The following COPG2 variants were observed in gnomAD, a reference collection of about 807,000 sequenced individuals.
COPG2 encodes coat protein complex I subunit gamma 2.
COPG2 carries 37 observed loss-of-function variants against 46.3 expected under a neutral mutation model. That is an observed-to-expected ratio of 0.80 (90% confidence interval 0.61 to 1.05). COPG2 has a LOEUF of 1.05. Among genes scored for constraint, COPG2 ranks in the 50% least tolerant of loss-of-function variants. The pLI, the probability that COPG2 is intolerant of heterozygous loss-of-function variation, is 0.00. For synonymous variants in COPG2, 159 were observed against 129.7 expected (o/e 1.23, Z -1.53); for missense variants, 427 against 387.8 (o/e 1.10, Z -0.85).
intron 9 of COPG2, among the ~76,000 whole-genome samples, chr7:130,568,543 A>G (rs1793842574): frequency 6.6e-6 from 1 of 152,184 alleles, no homozygotes; most frequent in East Asian, 1.9e-4. Context: ...CTAACACTGG[A>G]GCTCCCAAAT....
At chr7:130,519,207 A>G (rs1193229624) in intron 20 of COPG2, among the ~76,000 whole-genome samples, 3 of 152,306 alleles carry the variant, frequency 2.0e-5, no homozygotes, top group African/African-American at 7.2e-5. Flanking sequence ...GTGGAGTTGT[A>G]TGTTAAGCTA....
intron 20 of COPG2, among the ~76,000 whole-genome samples, chr7:130,512,821 TC>T (rs1799616711): frequency 6.6e-6 from 1 of 152,138 alleles, no homozygotes; most frequent in South Asian, 2.1e-4. Context: ...TGCACAGTGT[TC>T]CACTGAAGTT....
intron 23 of COPG2, 145 bp from the exon 24 acceptor site, chr7:130,506,951 CAT>C (rs782594176): frequency 5.0e-5 from 29 of 585,068 alleles, no homozygotes; most frequent in African/African-American, 1.9e-4. Flanking sequence ...CCTAAACAAA[CAT>C]AAATTCCAAA....
chr7:130,615,402 G>A (rs1461246594), intron 6 of COPG2, among the ~76,000 whole-genome samples: 1 of 152,246 alleles, frequency 6.6e-6, no homozygotes, highest in East Asian at 1.9e-4. Context: ...CATATAATAG[G>A]AGCTCAGTAA....
At chr7:130,631,353 TC>T (rs1458816524) in intron 5 of COPG2, among the ~76,000 whole-genome samples, 1 of 152,028 alleles carries the variant, frequency 6.6e-6, no homozygotes, top group Non-Finnish European at 1.5e-5. Context: ...AGATGGGGTT[TC>T]GCCATGTTGG....
intron 5 of COPG2, among the ~76,000 whole-genome samples, chr7:130,625,505 C>T (rs1339285739): frequency 6.6e-6 from 1 of 150,802 alleles, no homozygotes; most frequent in African/African-American, 2.4e-5. Flanking sequence ...TAGTGTTTCC[C>T]CATTAAAAAA....
intron 9 of COPG2, among the ~76,000 whole-genome samples, chr7:130,586,478 T>G (rs1434871684): frequency 6.6e-6 from 1 of 152,080 alleles, no homozygotes; most frequent in African/African-American, 2.4e-5. Context: ...AAAATTTTTT[T>G]TTGAGACAGA....
chr7:130,515,367 G>A (rs1309970052), intron 20 of COPG2, among the ~76,000 whole-genome samples: 1 of 152,102 alleles, frequency 6.6e-6, no homozygotes, highest in African/African-American at 2.4e-5. Context: ...AAAACAGTCA[G>A]GTCGTGTAAG....
intron 5 of COPG2, among the ~76,000 whole-genome samples, chr7:130,629,184 T>G (rs552734115): frequency 3.3e-5 from 5 of 151,810 alleles, no homozygotes; most frequent in African/African-American, 9.7e-5. Flanking sequence ...TGTCCTTTTT[T>G]GGGGGGGGTA....
intron 20 of COPG2, among the ~76,000 whole-genome samples, chr7:130,539,724 A>C (rs1020139511): frequency 6.6e-6 from 1 of 152,156 alleles, no homozygotes; most frequent in African/African-American, 2.4e-5. Flanking sequence ...TCACCTACAG[A>C]AGACAGACAG....
intron 5 of COPG2, among the ~76,000 whole-genome samples, chr7:130,639,154 G>A (rs1476680867): frequency 1.3e-5 from 2 of 152,192 alleles, no homozygotes; most frequent in Admixed American, 6.5e-5. Flanking sequence ...GGGAGCTGGA[G>A]ACCAGAGCTG....
At chr7:130,577,754 C>G (rs1327390257) in intron 9 of COPG2, among the ~76,000 whole-genome samples, 2 of 133,840 alleles carry the variant, frequency 1.5e-5, no homozygotes, top group South Asian at 2.4e-4. Flanking sequence ...GGCGACAGAG[C>G]GAGACTCCGT....
chr7:130,652,926 T>A lies in COPG2; in HGVS notation c.266A>T (p.Tyr89Phe). The change falls in exon 5 of 24, where the codon TAC becomes TTC. Residue 89 changes from tyrosine (Y) to phenylalanine (F), a missense_variant. By Grantham distance (22) the Tyr-to-Phe change is conservative. Transcript: ENST00000425248. ...GGTAGCCATTTCTTTGATGGTAAGG[T>A]AGCACATTCTCCTCAATGTTTGCTG... ...SNDQTLRRMC[Y>F]LTIKEMATIS... 6.2e-7 allele frequency: 1 copy of A among 1,603,710 alleles called. No individual in the cohort carries two copies.
At chr7:130,562,731 G>A (rs1157583618) in intron 11 of COPG2, among the ~76,000 whole-genome samples, 2 of 152,108 alleles carry the variant, frequency 1.3e-5, no homozygotes, top group East Asian at 1.9e-4. Flanking sequence ...CATATTATAT[G>A]TATTATGATA....
chr7:130,556,077 G>A (rs1793618671), intron 12 of COPG2, among the ~76,000 whole-genome samples: 2 of 152,214 alleles, frequency 1.3e-5, no homozygotes, highest in Admixed American at 1.3e-4. Flanking sequence ...GCAATGCAAA[G>A]AGAGCCAGAT....
At chr7:130,532,338 T>G (rs1042669105) in intron 20 of COPG2, among the ~76,000 whole-genome samples, 69,450 of 151,840 alleles carry the variant, frequency 0.46, 16,684 homozygotes, top group African/African-American at 0.61. Flanking sequence ...GGATGTGGGC[T>G]GTGCGGGTGA....
chr7:130,534,883 G>C (rs1799863364), intron 20 of COPG2, among the ~76,000 whole-genome samples: 1 of 151,892 alleles, frequency 6.6e-6, no homozygotes, highest in Non-Finnish European at 1.5e-5. Flanking sequence ...AGGAAGAGGA[G>C]GAAGTAGCGG....
At chr7:130,653,653 G>C (rs1397702004) in intron 4 of COPG2, among the ~76,000 whole-genome samples, 1 of 152,098 alleles carries the variant, frequency 6.6e-6, no homozygotes, top group Admixed American at 6.5e-5. Flanking sequence ...TGGATAAATG[G>C]GCAGCAGCCA....
chr7:130,607,555 G>C, intron 9 of COPG2: 1 of 426,330 alleles, frequency 2.3e-6, no homozygotes. Flanking sequence ...AGTTGCAGCT[G>C]AATTCTCCAT....
Sources: allele counts gnomAD v4.1 joint callset (sites outside exome capture counted in the v4.1 genomes callset), GRCh38; gene constraint gnomAD v4.1.1; transcripts MANE v1.5; gene names NCBI Gene and HGNC (gene_info 2026-07-23, HGNC 2026-07-21).